DST: variants seen among roughly 807,000 people sequenced by gnomAD.
The protein encoded by DST is bullous pemphigoid antigen.
A neutral mutation model predicts 875.2 loss-of-function variants in DST; 253 were observed. The observed-to-expected ratio is 0.29, with a 90% CI of 0.26 to 0.32. The LOEUF is 0.32. Ranked by LOEUF, DST falls within the 10% of genes least tolerant of loss-of-function variation. DST has a pLI of 1.00. For missense variants in DST, 8,287 were observed against 9,111.6 expected (o/e 0.91, Z 3.68); for synonymous variants, 3,124 against 3,197.1 (o/e 0.98, Z 0.77).
intron 4 of DST, among the ~76,000 whole-genome samples, chr6:56,804,580 A>AT (rs1411243711): frequency 6.6e-6 from 1 of 152,142 alleles, no homozygotes; most frequent in Non-Finnish European, 1.5e-5. Flanking sequence ...GCAATAGTAC[A>AT]TTTTTTAAGG....
intron 9 of DST, among the ~76,000 whole-genome samples, chr6:56,682,750 G>GT (rs1242733117): frequency 2.6e-5 from 4 of 152,130 alleles, no homozygotes; most frequent in Admixed American, 2.6e-4. Flanking sequence ...GTAAAACAAC[G>GT]TAAGTTTTGT....
chr6:56,692,613 G>A (rs35637749), intron 9 of DST: 285,638 of 1,289,408 alleles, frequency 0.22, 35,236 homozygotes, highest in African/African-American at 0.45. Context: ...CTGCCTTTCG[G>A]AAAGAAAAAA....
At chr6:56,705,287 A>T (rs1212340712) in intron 5 of DST, among the ~76,000 whole-genome samples, 2 of 152,264 alleles carry the variant, frequency 1.3e-5, no homozygotes, top group African/African-American at 2.4e-5. Flanking sequence ...GTGGGCAGGA[A>T]AGAGGCAGGA....
chr6:56,642,965 T>A, intron 15 of DST: 1 of 1,396,978 alleles, frequency 7.2e-7, no homozygotes, highest in East Asian at 2.5e-5. Flanking sequence ...AATATGCTGA[T>A]AACTATTCAA....
At chr6:56,933,983 G>T (rs1811547623) in intron 2 of DST, among the ~76,000 whole-genome samples, 1 of 151,890 alleles carries the variant, frequency 6.6e-6, no homozygotes, top group South Asian at 2.1e-4. Flanking sequence ...TGGCTTAAGG[G>T]CTTTTACATT....
rs2097815632 is a variant in DST, at chr6:56,573,676, T to C, written c.13236+3A>G. The C allele has an allele frequency of 1.2e-6, 2 of 1,607,154 alleles. No homozygotes were observed. The highest frequency in any genetic ancestry group is 1.7e-6 in the Non-Finnish European group (2 of 1,174,854). On this transcript the variant is annotated splice_donor_region_variant and intron_variant, in intron 51 of 103. Coordinates refer to ENST00000680361, the MANE Select transcript of DST (RefSeq NM_001374736.1). ...AATGGGACTTTTTTTTAAAGTCACT[T>C]ACAATGTTTTTACTGATAATATCCT...
chr6:56,627,093 A>G, intron 34 of DST, 111 bp downstream of exon 34: 1 of 864,564 alleles, frequency 1.2e-6, no homozygotes, highest in Non-Finnish European at 1.9e-6. Flanking sequence ...AAAAAAGTTC[A>G]AATGAAGATT....
intron 101 of DST, 102 bp downstream of exon 101, chr6:56,463,463 T>A (rs1016417230): frequency 7.2e-6 from 8 of 1,114,236 alleles, no homozygotes; most frequent in Non-Finnish European, 1.0e-5. Flanking sequence ...CAAATGGAGA[T>A]AGCTGGTCCT....
In DST at chr6:56,936,905, G is replaced by A. The variant is rs113537541; in HGVS notation, c.216+16880C>T. Among the ~76,000 whole-genome samples, 656 of 151,910 alleles carry A rather than the reference G, an allele frequency of 4.3e-3. 7 individuals are homozygous for A. The highest frequency in any genetic ancestry group is 0.015 in the African/African-American group (613 of 41,460). ...TGAATAGGCACATAAAAGTAAAGAA[G>A]TGGAATTAACAACTTAAAATTATCT... is the stretch of plus-strand genomic sequence containing the variant. On this transcript the variant is annotated intron_variant, in intron 2 of 103. Transcript: ENST00000680361.
intron 9 of DST, among the ~76,000 whole-genome samples, chr6:56,687,103 G>A (rs747035795): frequency 2.6e-5 from 4 of 152,152 alleles, no homozygotes; most frequent in Admixed American, 6.6e-5. Flanking sequence ...TGACTTGTGG[G>A]ACACACAGTG....
chr6:56,644,313 T>C (rs1032846064), intron 15 of DST, among the ~76,000 whole-genome samples: 12 of 152,254 alleles, frequency 7.9e-5, no homozygotes, highest in African/African-American at 2.9e-4. Context: ...ACACATATTA[T>C]TATACTTTAA....
intron 32 of DST, 43 bp downstream of exon 32, chr6:56,629,207 G>A (rs751650267): frequency 5.7e-6 from 9 of 1,581,866 alleles, no homozygotes; most frequent in Admixed American, 3.3e-5. Flanking sequence ...ACCATAGATA[G>A]ACATTAAATC....
At chr6:56,725,964 G>A (rs1181641035) in intron 5 of DST, among the ~76,000 whole-genome samples, 13 of 151,626 alleles carry the variant, frequency 8.6e-5, no homozygotes, top group Non-Finnish European at 1.9e-4. Context: ...GAAATTTTTT[G>A]ATAAAAATAT....
At chr6:56,505,367 T>C (rs1483744467) in intron 77 of DST, among the ~76,000 whole-genome samples, 1 of 151,892 alleles carries the variant, frequency 6.6e-6, no homozygotes, top group Admixed American at 6.6e-5. Flanking sequence ...CCTCTAGCCA[T>C]GGAAGAGATT....
intron 3 of DST, among the ~76,000 whole-genome samples, chr6:56,896,999 C>T (rs948101176): frequency 6.6e-6 from 1 of 152,154 alleles, no homozygotes; most frequent in African/African-American, 2.4e-5. Context: ...TTTGTTTTTA[C>T]TGCATTTGCT....
chr6:56,894,742 TG>T (rs1790076778), intron 3 of DST, among the ~76,000 whole-genome samples: 1 of 67,362 alleles, frequency 1.5e-5, no homozygotes. Flanking sequence ...ACGGGGCGGC[TG>T]GCCGGGCAGG....
intron 1 of DST, 85 bp from the exon 2 acceptor site, chr6:56,953,904 G>C: frequency 9.5e-7 from 1 of 1,055,610 alleles, no homozygotes; most frequent in Non-Finnish European, 1.3e-6. Flanking sequence ...TGGGAGACCA[G>C]GGTTGGGAAA....
intron 49 of DST, among the ~76,000 whole-genome samples, chr6:56,591,040 G>A (rs2152683209): frequency 6.6e-6 from 1 of 152,288 alleles, no homozygotes; most frequent in African/African-American, 2.4e-5. Flanking sequence ...TGGCAATCCT[G>A]TGTTTATTTT....
intron 58 of DST, 120 bp from the exon 59 acceptor site, chr6:56,557,638 ACT>A: frequency 1.3e-6 from 1 of 761,048 alleles, no homozygotes; most frequent in East Asian, 2.7e-5. Context: ...CATTTTTATG[ACT>A]CTTGTTACAT....
Sources: gnomAD v4.1 joint callset for allele counts (sites outside exome capture counted in the v4.1 genomes callset) on GRCh38, gnomAD v4.1.1 for gene constraint, MANE v1.5 for transcripts, NCBI Gene and HGNC (gene_info 2026-07-23, HGNC 2026-07-21) for gene names.